Variants in NBEA observed in about 807,000 individuals in gnomAD.
NBEA encodes neurobeachin, also known as lysosomal-trafficking regulator 2.
A neutral mutation model predicts 343.4 loss-of-function variants in NBEA; 44 were observed. The ratio of observed to expected loss-of-function variants is 0.13; its 90% CI spans 0.10 to 0.16. The LOEUF (loss-of-function observed/expected upper bound fraction) is 0.16. Ranked by LOEUF, NBEA falls within the 10% of genes least tolerant of loss-of-function variation. The pLI is 1.00. For synonymous variants in NBEA, 1,175 were observed against 1,238.7 expected (o/e 0.95, Z 1.08); for missense variants, 2,555 against 3,631.3 (o/e 0.70, Z 7.62).
chr13:35,342,350 T>C (rs2039633882), intron 36 of NBEA, among the ~76,000 whole-genome samples: 1 of 152,086 alleles, frequency 6.6e-6, no homozygotes, highest in Admixed American at 6.6e-5. Context: ...GATTTTGTTA[T>C]GTGAAATATA....
At chr13:35,002,606 A>G (rs1199909940) in intron 1 of NBEA, among the ~76,000 whole-genome samples, 1 of 152,204 alleles carries the variant, frequency 6.6e-6, no homozygotes, top group African/African-American at 2.4e-5. Context: ...AATATATTGT[A>G]TCAGGTCGGT....
chr13:35,249,814 G>A (rs974692011), intron 34 of NBEA, among the ~76,000 whole-genome samples: 12 of 152,274 alleles, frequency 7.9e-5, no homozygotes, highest in East Asian at 1.9e-4. Context: ...TGGTCAAGTC[G>A]TGGAAGCAAC....
At chr13:35,373,565 C>T (rs1304174703) in intron 38 of NBEA, among the ~76,000 whole-genome samples, 1 of 151,390 alleles carries the variant, frequency 6.6e-6, no homozygotes, top group Non-Finnish European at 1.5e-5. Flanking sequence ...ATTAGCCGGG[C>T]ATGGTGGTGC....
intron 46 of NBEA, among the ~76,000 whole-genome samples, chr13:35,586,084 A>G (rs1464327630): frequency 1.3e-5 from 2 of 152,204 alleles, no homozygotes; most frequent in Non-Finnish European, 2.9e-5. Flanking sequence ...CCTTATTAAG[A>G]TATACCTCAG....
At chr13:35,264,598 T>G (rs925835881) in intron 34 of NBEA, among the ~76,000 whole-genome samples, 8 of 49,750 alleles carry the variant, frequency 1.6e-4, no homozygotes, top group Non-Finnish European at 3.6e-4. Flanking sequence ...TCAACATACA[T>G]TAATCAATAA....
chr13:34,986,851 T>G (rs2060567238), intron 1 of NBEA, among the ~76,000 whole-genome samples: 1 of 150,882 alleles, frequency 6.6e-6, no homozygotes, highest in African/African-American at 2.4e-5. Context: ...CTTTTTTTTG[T>G]TTTCCATTTG....
At position 35,319,493 on chromosome 13, in the gene NBEA, G is replaced by A. The variant is rs753646494; in HGVS notation, c.5903+9901G>A. Reference sequence around the variant, plus strand: ...TGATATCCATTCTTTTGCATTGGCTGAGGAGTATTTTACTTCCAATTATGC... The same window carrying A: ...TGATATCCATTCTTTTGCATTGGCTAAGGAGTATTTTACTTCCAATTATGC... On this transcript the variant is annotated intron_variant, in intron 36 of 58. Transcript: ENST00000379939. Among the ~76,000 whole-genome samples, 33 of 152,164 alleles carry A rather than the reference G, an allele frequency of 2.2e-4. 1 individual carries two copies. Among genetic ancestry groups the A allele is most frequent in the Non-Finnish European group, 3.8e-4 (26 of 68,038 alleles).
intron 32 of NBEA, among the ~76,000 whole-genome samples, chr13:35,209,381 T>A (rs1724307398): frequency 6.6e-6 from 1 of 152,170 alleles, no homozygotes; most frequent in South Asian, 2.1e-4. Flanking sequence ...TGTTTGACGT[T>A]GAATTAATTC....
chr13:35,373,355 T>C (rs1350391189), intron 38 of NBEA, among the ~76,000 whole-genome samples: 1 of 152,174 alleles, frequency 6.6e-6, no homozygotes, highest in African/African-American at 2.4e-5. Context: ...TTTAATGTTA[T>C]ATGTGTTATA....
chr13:35,398,339 C>T (rs1042870948), intron 38 of NBEA, among the ~76,000 whole-genome samples: 2 of 152,170 alleles, frequency 1.3e-5, no homozygotes, highest in African/African-American at 4.8e-5. Flanking sequence ...GATATTTTGA[C>T]ATCCTTCCAT....
chr13:35,058,599 T>G, intron 7 of NBEA, 118 bp from the exon 8 acceptor site: 1 of 817,040 alleles, frequency 1.2e-6, no homozygotes, highest in Non-Finnish European at 1.9e-6. Flanking sequence ...TAATTGATGC[T>G]TTCTTCTATT....
intron 41 of NBEA, among the ~76,000 whole-genome samples, chr13:35,531,738 T>G (rs2078271771): frequency 6.6e-6 from 1 of 152,198 alleles, no homozygotes; most frequent in Non-Finnish European, 1.5e-5. Flanking sequence ...CTCCAGAGAC[T>G]TTGATGTGCT....
intron 46 of NBEA, among the ~76,000 whole-genome samples, chr13:35,590,636 C>A (rs1012064423): frequency 1.3e-5 from 2 of 151,970 alleles, no homozygotes; most frequent in East Asian, 3.9e-4. Context: ...ATAAGAAGTA[C>A]GGCTTTGCAT....
At chr13:35,321,063 G>T (rs1371145282) in intron 36 of NBEA, among the ~76,000 whole-genome samples, 2 of 151,946 alleles carry the variant, frequency 1.3e-5, no homozygotes, top group Non-Finnish European at 2.9e-5. Flanking sequence ...GGAGGAGTTT[G>T]TTATTGCCCA....
chr13:34,970,248 T>G (rs1224527126), intron 1 of NBEA, among the ~76,000 whole-genome samples: 4 of 151,934 alleles, frequency 2.6e-5, no homozygotes, highest in East Asian at 1.9e-4. Flanking sequence ...GCATTGTTTG[T>G]TTTTTTTCCT....
At chr13:35,096,166 G>C (rs1459807712) in intron 10 of NBEA, among the ~76,000 whole-genome samples, 1 of 150,882 alleles carries the variant, frequency 6.6e-6, no homozygotes, top group Non-Finnish European at 1.5e-5. Flanking sequence ...TTACTATTAC[G>C]TCCACCATGT....
chr13:35,232,774 T>C (rs2075042566), intron 34 of NBEA, among the ~76,000 whole-genome samples, 155 bp downstream of exon 34: 1 of 152,140 alleles, frequency 6.6e-6, no homozygotes, highest in South Asian at 2.1e-4. Flanking sequence ...TTCTCTTCAC[T>C]CATTTTTTTT....
intron 36 of NBEA, among the ~76,000 whole-genome samples, chr13:35,331,097 A>G (rs1026168000): frequency 6.6e-6 from 1 of 152,086 alleles, no homozygotes; most frequent in Non-Finnish European, 1.5e-5. Context: ...AAGATCTGCC[A>G]TCTCTTTTTC....
chr13:35,211,795 G>T (rs763751308), intron 33 of NBEA, among the ~76,000 whole-genome samples: 31 of 152,008 alleles, frequency 2.0e-4, no homozygotes, highest in Non-Finnish European at 4.3e-4. Flanking sequence ...CTCCAGCCTG[G>T]GTTGACAGAG....
Sources: allele counts gnomAD v4.1 joint callset (sites outside exome capture counted in the v4.1 genomes callset), GRCh38; gene constraint gnomAD v4.1.1; transcripts MANE v1.5; gene names NCBI Gene and HGNC (gene_info 2026-07-23, HGNC 2026-07-21).